TNFRSF11A: variants seen among roughly 807,000 people sequenced by gnomAD.
TNFRSF11A encodes tumor necrosis factor receptor superfamily member 11A.
TNFRSF11A carries 32 observed loss-of-function variants against 55.7 expected under a neutral mutation model. The observed-to-expected ratio is 0.57, with a 90% CI of 0.43 to 0.77. TNFRSF11A has a LOEUF of 0.77. Ranked by LOEUF, TNFRSF11A falls within the 30% of genes least tolerant of loss-of-function variation. TNFRSF11A has a pLI of 0.00. For synonymous variants in TNFRSF11A, 311 were observed against 331.0 expected (o/e 0.94, Z 0.65); for missense variants, 753 against 809.8 (o/e 0.93, Z 0.85).
At chr18:62,372,406 G>T (rs1251258661) in intron 9 of TNFRSF11A, among the ~76,000 whole-genome samples, 2 of 151,918 alleles carry the variant, frequency 1.3e-5, no homozygotes, top group African/African-American at 4.8e-5. Flanking sequence ...TTGTTGGCTG[G>T]TGGCTTGGTT....
In TNFRSF11A at chr18:62,380,491, C is replaced by CAGTG. The variant is rs199978963; in HGVS notation, c.1568-4259_1568-4256dup. 6.0e-4 allele frequency among the ~76,000 whole-genome samples: 87 copies of CAGTG among 145,532 alleles called. 1 individual carries two copies. In the East Asian group the frequency reaches 0.016, roughly 27 times the overall value. Reference sequence around the variant, plus strand: ...TCACTCTGTCGCCCAGGCTGGAGTGCAGTGGCATGATCTCGGCTCACTGCA... The same window carrying CAGTG: ...TCACTCTGTCGCCCAGGCTGGAGTGCAGTGAGTGGCATGATCTCGGCTCACTGCA... On this transcript the variant is annotated intron_variant, in intron 9 of 9. Transcript: ENST00000586569.
intron 9 of TNFRSF11A, among the ~76,000 whole-genome samples, chr18:62,371,822 C>A (rs986248409): frequency 6.6e-6 from 1 of 152,152 alleles, no homozygotes; most frequent in African/African-American, 2.4e-5. Flanking sequence ...CTATAAAATG[C>A]GTGAAAGAGG....
At chr18:62,371,690 G>A (rs1453895334) in intron 9 of TNFRSF11A, among the ~76,000 whole-genome samples, 1 of 152,212 alleles carries the variant, frequency 6.6e-6, no homozygotes, top group Non-Finnish European at 1.5e-5. Flanking sequence ...ATTGATTTTG[G>A]AGGCTGTGCT....
intron 1 of TNFRSF11A, among the ~76,000 whole-genome samples, chr18:62,332,980 G>A (rs550635571): frequency 6.6e-6 from 1 of 152,300 alleles, no homozygotes; most frequent in South Asian, 2.1e-4. Context: ...GTTCCGAGTG[G>A]AGAATCGGGC....
chr18:62,385,270 C>T lies in TNFRSF11A; in HGVS notation c.*236C>T. On this transcript the variant is annotated 3_prime_UTR_variant, in exon 10 of 10. Coordinates refer to ENST00000586569, the MANE Select transcript of TNFRSF11A (RefSeq NM_003839.4). Reference sequence around the variant, plus strand: ...CCCGCCGCACTGGGGCAGATGTCTCCCCTGCCACTCCTCAAACTCGCAGCA... The same window carrying T: ...CCCGCCGCACTGGGGCAGATGTCTCTCCTGCCACTCCTCAAACTCGCAGCA... The T allele has an allele frequency of 2.3e-6, 1 of 430,080 alleles. No homozygotes were observed. The highest frequency in any genetic ancestry group is 4.0e-6 in the Non-Finnish European group (1 of 248,296). The allele number at this position is 430,080 out of a possible 1,614,324, so 26.6% of individuals were successfully genotyped here. A position where few individuals can be genotyped will look rare whatever the true frequency, so the allele number is the denominator to read the frequency against.
chr18:62,389,753 G>T lies in TNFRSF11A; in HGVS notation c.*4719G>T, dbSNP rs12960638. The T allele has an allele frequency of 0.24, 36,480 of 152,084 alleles. 4,786 individuals are homozygous for T. The highest frequency in any genetic ancestry group is 0.3 in the Non-Finnish European group (20,095 of 67,978). 9.4% of individuals were successfully genotyped at this position (152,084 alleles called of 1,614,324 possible). ...TTAAAAAAATCTTTAAGATTACCAGGAGTATAAAAGTTAAAATGACAAAAT... is the reference window on the plus strand; with the variant it reads ...TTAAAAAAATCTTTAAGATTACCAGTAGTATAAAAGTTAAAATGACAAAAT... On this transcript the variant is annotated 3_prime_UTR_variant, in exon 10 of 10. Coordinates refer to ENST00000586569, the MANE Select transcript of TNFRSF11A (RefSeq NM_003839.4).
In TNFRSF11A at chr18:62,388,382, G is replaced by A. The variant is rs1225536367; in HGVS notation, c.*3348G>A. ...TGCTGTCACTTCTGCCACATTCTGT[G>A]GGCCAAAGCAGGTCACAAAGGCAGC... On this transcript the variant is annotated 3_prime_UTR_variant, in exon 10 of 10. Coordinates refer to ENST00000586569, the MANE Select transcript of TNFRSF11A (RefSeq NM_003839.4). The A allele has an allele frequency of 6.6e-6, 1 of 152,256 alleles. No homozygotes were observed. The highest frequency in any genetic ancestry group is 1.5e-5 in the Non-Finnish European group (1 of 68,094). The allele number at this position is 152,256 out of a possible 1,614,324, so 9.4% of individuals were successfully genotyped here.
intron 1 of TNFRSF11A, among the ~76,000 whole-genome samples, chr18:62,329,962 T>C (rs1219622896): frequency 6.6e-6 from 1 of 152,220 alleles, no homozygotes; most frequent in African/African-American, 2.4e-5. Flanking sequence ...TGACTTTATA[T>C]GTGTGTTTGT....
chr18:62,333,624 A>G (rs981005137), intron 1 of TNFRSF11A, among the ~76,000 whole-genome samples: 2 of 152,200 alleles, frequency 1.3e-5, no homozygotes, highest in Non-Finnish European at 2.9e-5. Flanking sequence ...TTGCACAGCT[A>G]GTGAGTGGCA....
At position 62,347,280 on chromosome 18, in the gene TNFRSF11A, C is replaced by T. The variant is rs531812586; in HGVS notation, c.76-888C>T. 1.1e-3 allele frequency among the ~76,000 whole-genome samples: 166 copies of T among 152,342 alleles called. 1 individual carries two copies. The highest frequency in any genetic ancestry group is 3.9e-3 in the African/African-American group (163 of 41,572). On this transcript the variant is annotated intron_variant, in intron 1 of 9. Transcript: ENST00000586569. ...CTAAGCCCAGTTCTTCAGTTTCTGA[C>T]ATGACTGCTTGTCAACAGGAGTGTG...
rs1911591323 is a variant in TNFRSF11A, at chr18:62,384,915, C to T, written c.1732C>T (p.Arg578Ter). ...RPVQEETLAR[R>*]DSFAGNGPRF... Reference sequence around the variant, plus strand: ...GGTGCAGGAGGAGACCCTGGCGCGCCGAGACTCCTTCGCGGGGAACGGCCC... The same window carrying T: ...GGTGCAGGAGGAGACCCTGGCGCGCTGAGACTCCTTCGCGGGGAACGGCCC... Residue 578 changes from arginine to a stop codon, truncating the protein, a stop_gained, in exon 10 of 10, where the codon CGA (arginine) becomes TGA (stop). Coordinates refer to ENST00000586569, the MANE Select transcript of TNFRSF11A (RefSeq NM_003839.4). LOFTEE classifies it low-confidence loss of function (END_TRUNC). 1 of 1,564,848 alleles carries T rather than the reference C, an allele frequency of 6.4e-7. No homozygotes were observed. Among genetic ancestry groups the T allele is most frequent in the Non-Finnish European group, 8.6e-7 (1 of 1,156,128 alleles).
At chr18:62,349,587 G>A (rs1299299715) in intron 2 of TNFRSF11A, among the ~76,000 whole-genome samples, 2 of 152,166 alleles carry the variant, frequency 1.3e-5, no homozygotes, top group Non-Finnish European at 2.9e-5. Context: ...ACCCAGGTGG[G>A]GTTATTTCAG....
At chr18:62,354,628 G>A in intron 4 of TNFRSF11A, 94 bp downstream of exon 4, 2 of 1,566,192 alleles carry the variant, frequency 1.3e-6, no homozygotes, top group African/African-American at 1.3e-5. Flanking sequence ...AAAGCTCCAG[G>A]GTGCTAGGCA....
At chr18:62,370,774 T>G (rs758926087) in intron 9 of TNFRSF11A, among the ~76,000 whole-genome samples, 5 of 152,204 alleles carry the variant, frequency 3.3e-5, no homozygotes, top group South Asian at 2.1e-4. Context: ...GTAAGGAATC[T>G]CCATGACTGG....
chr18:62,353,134 T>A (rs2046498038), intron 3 of TNFRSF11A, among the ~76,000 whole-genome samples: 1 of 152,108 alleles, frequency 6.6e-6, no homozygotes, highest in Non-Finnish European at 1.5e-5. Context: ...AATTAGCAAA[T>A]CCTGAGCCAT....
At chr18:62,348,357 G>A in intron 2 of TNFRSF11A, 108 bp downstream of exon 2, 4 of 899,008 alleles carry the variant, frequency 4.4e-6, no homozygotes, top group Middle Eastern at 2.1e-4. Context: ...GACGCGTTAT[G>A]GTAGTGGCAG....
chr18:62,354,420 A>G lies in TNFRSF11A; in HGVS notation c.313A>G (p.Asn105Asp). ...GKALVAVVAG[N>D]STTPRRCACT... The stretch of plus-strand genomic sequence containing the variant: ...GGCCCTGGTGGCCGTGGTCGCCGGC[A>G]ACAGCACGACCCCCCGGCGCTGCGC... The change falls in exon 4 of 10, where the codon AAC (asparagine) becomes GAC (aspartate). Residue 105 changes from asparagine (N) to aspartate (D), a missense_variant. Around this residue, in one of 3 missense-constraint regions of TNFRSF11A, gnomAD observed 156 missense variants for 155.1 expected, o/e 1.01. Transcript: ENST00000586569. 1.3e-6 allele frequency: 2 copies of G among 1,593,244 alleles called. No homozygotes were observed. Among genetic ancestry groups the G allele is most frequent in the Non-Finnish European group, 1.7e-6 (2 of 1,175,460 alleles).
intron 5 of TNFRSF11A, among the ~76,000 whole-genome samples, chr18:62,359,681 G>C (rs1909525985): frequency 6.6e-6 from 1 of 152,172 alleles, no homozygotes; most frequent in Non-Finnish European, 1.5e-5. Context: ...GGCACGGCCA[G>C]AATATTCTTT....
rs539733486 is a variant in TNFRSF11A at position 62,381,759 on chromosome 18, C to T, written c.1568-2992C>T. On this transcript the variant is annotated intron_variant, in intron 9 of 9. Coordinates refer to ENST00000586569, the MANE Select transcript of TNFRSF11A (RefSeq NM_003839.4). Reference sequence around the variant, plus strand: ...TAAATTGCTTATTTTATTAAATAAACATGGTATGTTTTTAATCAGAATAGA... The same window carrying T: ...TAAATTGCTTATTTTATTAAATAAATATGGTATGTTTTTAATCAGAATAGA... Among the ~76,000 whole-genome samples, 36 of 152,212 alleles carry T rather than the reference C, an allele frequency of 2.4e-4. No individual in the cohort carries two copies. In the South Asian group the frequency reaches 3.5e-3, roughly 15 times the overall value.
Sources: allele counts gnomAD v4.1 joint callset (sites outside exome capture counted in the v4.1 genomes callset), GRCh38; gene constraint gnomAD v4.1.1; regional missense constraint gnomAD v4.1.1; transcripts MANE v1.5; gene names NCBI Gene and HGNC (gene_info 2026-07-23, HGNC 2026-07-21).